SOX6: variants seen among roughly 807,000 people sequenced by gnomAD.
SOX6 encodes the protein transcription factor SOX-6.
A neutral mutation model predicts 97.8 loss-of-function variants in SOX6; 11 were observed. The ratio of observed to expected loss-of-function variants is 0.11; its 90% CI spans 0.07 to 0.19. SOX6 has a LOEUF of 0.19. Among genes scored for constraint, SOX6 ranks in the 10% least tolerant of loss-of-function variants. The probability of loss-of-function intolerance (pLI) is 1.00; values close to 1 mark genes in which losing one functional copy is unlikely to be tolerated. For synonymous variants in SOX6, 360 were observed against 371.4 expected (o/e 0.97, Z 0.35); for missense variants, 810 against 1,039.5 (o/e 0.78, Z 3.04).
chr11:16,243,067 C>T (rs1393612066), intron 3 of SOX6, among the ~76,000 whole-genome samples: 2 of 151,958 alleles, frequency 1.3e-5, no homozygotes, highest in African/African-American at 4.8e-5. Flanking sequence ...AAAAACCCTC[C>T]TATTCTACTG....
intron 13 of SOX6, among the ~76,000 whole-genome samples, chr11:16,005,539 T>C (rs1407741478): frequency 6.6e-6 from 1 of 152,026 alleles, no homozygotes; most frequent in Non-Finnish European, 1.5e-5. Flanking sequence ...CATTTGACAA[T>C]TGTTTTTCTT....
rs376303996 is a variant in SOX6, at chr11:16,547,684, A to C, written n.609+64397T>G. ...TTGGTTAATGGGTACAAACAGAGAG[A>C]CAAATAGAAGGAATAAATTCTAATG... On this transcript the variant is annotated intron_variant and non_coding_transcript_variant, in intron 4 of 5. Transcript: ENST00000524520. Among the ~76,000 whole-genome samples, 10 of 152,258 alleles carry C rather than the reference A, an allele frequency of 6.6e-5. No homozygotes were observed. In the East Asian group the frequency reaches 1.2e-3, roughly 18 times the overall value.
In SOX6 at chr11:16,605,854, C is replaced by CA. The variant is rs1848328264; in HGVS notation, n.609+6226dup. 1 of 152,176 alleles carries CA rather than the reference C, an allele frequency of 6.6e-6. No homozygotes were observed. Among genetic ancestry groups the CA allele is most frequent in the African/African-American group, 2.4e-5 (1 of 41,422 alleles). The allele number at this position is 152,176 out of a possible 1,614,324, so 9.4% of individuals were successfully genotyped here. A position where few individuals can be genotyped will look rare whatever the true frequency, so the allele number is the denominator to read the frequency against. On this transcript the variant is annotated intron_variant and non_coding_transcript_variant, in intron 4 of 5. Transcript: ENST00000524520. The surrounding 1 kb of genome is among the most constrained non-coding windows in gnomAD (Gnocchi z 5.3). ...GTGGCGTCTCAGTCACACAGCGAAT[C>CA]AACCCAACACTTTTCAAGAAAACAA...
chr11:16,018,074 T>G (rs931609012), intron 12 of SOX6, among the ~76,000 whole-genome samples: 7 of 152,066 alleles, frequency 4.6e-5, no homozygotes, highest in Non-Finnish European at 5.9e-5. Flanking sequence ...GCTCTCTAAG[T>G]GCTTTGAAAT....
chr11:16,089,665 G>A (rs1252661496), intron 9 of SOX6, among the ~76,000 whole-genome samples: 1 of 151,964 alleles, frequency 6.6e-6, no homozygotes, highest in Non-Finnish European at 1.5e-5. Flanking sequence ...CAGAAAAGAG[G>A]AACTGGCAGA....
intron 9 of SOX6, among the ~76,000 whole-genome samples, chr11:16,095,345 C>T (rs1590192874): frequency 6.6e-6 from 1 of 151,722 alleles, no homozygotes; most frequent in Admixed American, 6.6e-5. Flanking sequence ...GCCATCTTCT[C>T]TCAGTGGTAA....
At chr11:16,062,058 A>G (rs561955883) in intron 9 of SOX6, among the ~76,000 whole-genome samples, 1 of 151,930 alleles carries the variant, frequency 6.6e-6, no homozygotes, top group African/African-American at 2.4e-5. Flanking sequence ...CGTTAAACTA[A>G]AAAGCTTCTG....
At chr11:16,213,465 T>C (rs1354864423) in intron 4 of SOX6, among the ~76,000 whole-genome samples, 1 of 151,984 alleles carries the variant, frequency 6.6e-6, no homozygotes, top group Admixed American at 6.6e-5. Context: ...AATGCATACA[T>C]AAAAACATGA....
intron 4 of SOX6, among the ~76,000 whole-genome samples, chr11:16,544,040 T>A (rs1038935820): frequency 6.6e-6 from 1 of 151,884 alleles, no homozygotes; most frequent in African/African-American, 2.4e-5. Flanking sequence ...TATTCGCCAA[T>A]AAAAATAAAG....
intron 4 of SOX6, among the ~76,000 whole-genome samples, chr11:16,537,019 C>T (rs1700355097): frequency 6.6e-6 from 1 of 152,202 alleles, no homozygotes; most frequent in African/African-American, 2.4e-5. Flanking sequence ...CACTGACCCC[C>T]ATGTAGCCTG....
intron 6 of SOX6, among the ~76,000 whole-genome samples, chr11:16,143,720 G>A (rs1173038215): frequency 1.3e-5 from 2 of 152,098 alleles, no homozygotes; most frequent in Non-Finnish European, 2.9e-5. Flanking sequence ...TGATAAAACA[G>A]ACTTTAAACC....
chr11:16,572,819 T>C (rs1847950668), intron 4 of SOX6, among the ~76,000 whole-genome samples: 1 of 152,170 alleles, frequency 6.6e-6, no homozygotes, highest in African/African-American at 2.4e-5. Flanking sequence ...AATTATCAAC[T>C]ACCCTAGCAT....
At chr11:16,447,907 G>A (rs576124235) in intron 1 of SOX6, among the ~76,000 whole-genome samples, 21 of 152,276 alleles carry the variant, frequency 1.4e-4, no homozygotes, top group East Asian at 5.8e-4. Context: ...TCAGTATGGC[G>A]GTCAGCTGTC....
intron 4 of SOX6, among the ~76,000 whole-genome samples, chr11:16,225,240 T>G (rs895321473): frequency 6.6e-6 from 1 of 152,034 alleles, no homozygotes; most frequent in Non-Finnish European, 1.5e-5. Flanking sequence ...GTATGTGAAC[T>G]TTGCTATTAA....
intron 3 of SOX6, among the ~76,000 whole-genome samples, chr11:16,288,837 C>T (rs945693671): frequency 3.3e-5 from 5 of 151,874 alleles, no homozygotes; most frequent in African/African-American, 1.2e-4. Context: ...ATCTACAATC[C>T]TGATTTGTCT....
At chr11:16,585,363 T>C (rs1848079737) in intron 4 of SOX6, among the ~76,000 whole-genome samples, 2 of 152,346 alleles carry the variant, frequency 1.3e-5, no homozygotes, top group Admixed American at 6.5e-5. Context: ...CACTTATATG[T>C]ACTCATTTAA....
intron 6 of SOX6, among the ~76,000 whole-genome samples, chr11:16,138,146 A>G (rs1160063958): frequency 6.6e-6 from 1 of 152,216 alleles, no homozygotes; most frequent in Non-Finnish European, 1.5e-5. Flanking sequence ...CCATAGTTCT[A>G]CATATAGAAT....
intron 6 of SOX6, among the ~76,000 whole-genome samples, chr11:16,177,374 G>C (rs1210345738): frequency 6.6e-6 from 1 of 151,858 alleles, no homozygotes; most frequent in Non-Finnish European, 1.5e-5. Flanking sequence ...AATTCCATTA[G>C]AGAACTATCT....
chr11:16,003,768 A>G (rs947419301), intron 13 of SOX6, among the ~76,000 whole-genome samples: 2 of 152,038 alleles, frequency 1.3e-5, no homozygotes, highest in Non-Finnish European at 2.9e-5. Flanking sequence ...TCATTTCTTG[A>G]AACATCTATA....
Sources: gnomAD v4.1 joint callset for allele counts (sites outside exome capture counted in the v4.1 genomes callset) on GRCh38, gnomAD v4.1.1 for gene constraint, Gnocchi (gnomAD v3.1) non-coding constraint, MANE v1.5 for transcripts, NCBI Gene and HGNC (gene_info 2026-07-23, HGNC 2026-07-21) for gene names.